Variants in R3HDM1 observed in about 807,000 individuals in gnomAD.
R3HDM1 encodes R3H domain-containing protein 1.
In R3HDM1, 46 loss-of-function variants were observed where a neutral mutation model predicts 141.1. The ratio of observed to expected loss-of-function variants is 0.33; its 90% CI spans 0.26 to 0.42. R3HDM1 has a LOEUF of 0.42. Ranked by LOEUF, R3HDM1 falls within the 10% of genes least tolerant of loss-of-function variation. R3HDM1 has a pLI of 1.00. For synonymous variants in R3HDM1, 435 were observed against 472.9 expected, an observed-to-expected ratio of 0.92 and a Z score of 1.04; for missense variants, 1,184 against 1,368.3, an observed-to-expected ratio of 0.87 and a Z score of 2.12.
intron 19 of R3HDM1, chr2:135,669,417 T>G (rs2067994938): frequency 2.0e-6 from 2 of 984,194 alleles, no homozygotes; most frequent in Non-Finnish European, 2.4e-6. Flanking sequence ...AACGAAAAGT[T>G]TCCTTGTTGA....
intron 1 of R3HDM1, among the ~76,000 whole-genome samples, chr2:135,562,015 G>A (rs543674933): frequency 2.6e-5 from 4 of 152,186 alleles, no homozygotes; most frequent in Non-Finnish European, 5.9e-5. Flanking sequence ...AGTTAGTCTA[G>A]AGGAATGGTC....
At chr2:135,598,168 C>T (rs1161995648) in intron 1 of R3HDM1, among the ~76,000 whole-genome samples, 2 of 152,242 alleles carry the variant, frequency 1.3e-5, no homozygotes, top group East Asian at 1.9e-4. Flanking sequence ...CTACTGCCTT[C>T]TCATTGTTCC....
At chr2:135,722,332 A>G (rs1054604335) in intron 25 of R3HDM1, 137 bp from the exon 26 acceptor site, 1 of 843,450 alleles carries the variant, frequency 1.2e-6, no homozygotes, top group Non-Finnish European at 1.8e-6. Flanking sequence ...GGCAGAATCC[A>G]GAAGGCCTGG....
At chr2:135,632,287 T>G (rs1452123770) in intron 9 of R3HDM1, among the ~76,000 whole-genome samples, 1 of 150,310 alleles carries the variant, frequency 6.7e-6, no homozygotes, top group Non-Finnish European at 1.5e-5. Context: ...TAGGGATTTT[T>G]AAAATTAATT....
intron 1 of R3HDM1, among the ~76,000 whole-genome samples, chr2:135,558,609 T>A (rs1021232767): frequency 6.6e-6 from 1 of 152,226 alleles, no homozygotes; most frequent in South Asian, 2.1e-4. Flanking sequence ...TACCTTAGAA[T>A]GGGAGCTAAA....
At chr2:135,642,340 C>T (rs2063892880) in intron 15 of R3HDM1, among the ~76,000 whole-genome samples, 1 of 151,954 alleles carries the variant, frequency 6.6e-6, no homozygotes, top group East Asian at 1.9e-4. Context: ...AATACATATT[C>T]TTTGCAATTA....
intron 1 of R3HDM1, among the ~76,000 whole-genome samples, chr2:135,545,952 A>G (rs532549259): frequency 1.3e-5 from 2 of 152,206 alleles, no homozygotes; most frequent in Non-Finnish European, 2.9e-5. Context: ...ATCCAGGGGC[A>G]ATCACCTGGG....
rs192983902 is a variant in R3HDM1 at position 135,587,533 on chromosome 2, T to A, written c.-249-14967T>A. Among the ~76,000 whole-genome samples the A allele has an allele frequency of 3.9e-5, 6 of 152,318 alleles. No individual in the cohort carries two copies. The East Asian group carries it at 9.6e-4, about 24-fold the overall frequency. On this transcript the variant is annotated intron_variant, in intron 1 of 26. Transcript: ENST00000683871. ...CCAACTGTGTAAGTAATTAGGGTCATGAAAATATTAATAGCTATTATTAAA... is the reference window on the plus strand; with the variant it reads ...CCAACTGTGTAAGTAATTAGGGTCAAGAAAATATTAATAGCTATTATTAAA...
rs778425135 is a variant in R3HDM1, at chr2:135,638,734, A to G, written c.942-5A>G. On this transcript the variant is annotated splice_region_variant and splice_polypyrimidine_tract_variant and intron_variant, in intron 12 of 26. Coordinates refer to ENST00000683871, the MANE Select transcript of R3HDM1 (RefSeq NM_001378107.1). ...AATTAAAATGTCCTATTAAAATGCC[A>G]ACAGACTCCAAGACGAGGATGCCAG... 19 of 1,613,934 alleles carry G rather than the reference A, an allele frequency of 1.2e-5. No homozygotes were observed. Among genetic ancestry groups the G allele is most frequent in the Non-Finnish European group, 2.5e-6 (3 of 1,179,986 alleles).
chr2:135,567,902 G>GCTTT lies in R3HDM1; in HGVS notation c.-249-34597_-249-34594dup, dbSNP rs1559137836. On this transcript the variant is annotated intron_variant, in intron 1 of 26. Coordinates refer to ENST00000683871, the MANE Select transcript of R3HDM1 (RefSeq NM_001378107.1). ...CTGCAGGCGTGCATCACCACACCTG[G>GCTTT]CTTTTTTTTTTTTTTTTTTTTTTTT... Among the ~76,000 whole-genome samples the GCTTT allele has an allele frequency of 3.4e-4, 43 of 127,752 alleles. 1 individual carries two copies. Among genetic ancestry groups the GCTTT allele is most frequent in the South Asian group, 4.7e-4 (2 of 4,226 alleles). 83.8% of individuals were successfully genotyped at this position (127,752 alleles called of 152,430 possible).
chr2:135,539,158 T>G (rs1696900298), intron 1 of R3HDM1, among the ~76,000 whole-genome samples: 1 of 152,190 alleles, frequency 6.6e-6, no homozygotes, highest in Non-Finnish European at 1.5e-5. Flanking sequence ...CCTGAGCTGT[T>G]TGACAGTTAA....
chr2:135,682,767 C>T (rs560058226), intron 21 of R3HDM1, among the ~76,000 whole-genome samples: 16 of 152,150 alleles, frequency 1.1e-4, no homozygotes, highest in South Asian at 8.3e-4. Flanking sequence ...GAAGCTGAGG[C>T]GGGTGGATCA....
intron 19 of R3HDM1, among the ~76,000 whole-genome samples, chr2:135,664,043 A>AC (rs1188182877): frequency 2.0e-5 from 3 of 151,894 alleles, no homozygotes; most frequent in Non-Finnish European, 4.4e-5. Context: ...AAAAAAAAAA[A>AC]AAAAAACTTA....
chr2:135,664,031 CAAA>C (rs11382173), intron 19 of R3HDM1, among the ~76,000 whole-genome samples: 1 of 103,802 alleles, frequency 9.6e-6, no homozygotes. Context: ...GAGACTGTCT[CAAA>C]AAAAAAAAAA....
At position 135,703,474 on chromosome 2, in the gene R3HDM1, C is replaced by T. The variant is rs556438276; in HGVS notation, c.2460-5959C>T. On this transcript the variant is annotated intron_variant, in intron 21 of 26. Transcript: ENST00000683871. ...TGGCCTAACTGCTTGCTTTCCTTAT[C>T]ATCCTGGCAGTTATATAATCCCTGG... Among the ~76,000 whole-genome samples, 34 of 152,188 alleles carry T rather than the reference C, an allele frequency of 2.2e-4. 1 individual carries two copies. Among genetic ancestry groups the T allele is most frequent in the Admixed American group, 4.6e-4 (7 of 15,276 alleles).
chr2:135,696,252 A>G (rs1157391172), intron 21 of R3HDM1, among the ~76,000 whole-genome samples: 1 of 152,202 alleles, frequency 6.6e-6, no homozygotes. Context: ...ACATTATTCC[A>G]TTGATATTAT....
chr2:135,702,802 C>T (rs2074412168), intron 21 of R3HDM1, among the ~76,000 whole-genome samples: 1 of 151,890 alleles, frequency 6.6e-6, no homozygotes, highest in African/African-American at 2.4e-5. Flanking sequence ...GAGCAGGACT[C>T]CTGACTCAAA....
chr2:135,709,105 G>A (rs113853654), intron 21 of R3HDM1, among the ~76,000 whole-genome samples: 11 of 151,452 alleles, frequency 7.3e-5, no homozygotes, highest in African/African-American at 2.4e-4. Context: ...AATTAGTCTC[G>A]CTCTGTCGCA....
intron 24 of R3HDM1, among the ~76,000 whole-genome samples, chr2:135,719,248 G>A (rs992206236): frequency 2.0e-5 from 3 of 152,078 alleles, no homozygotes; most frequent in African/African-American, 2.4e-5. Context: ...TATGAATGCC[G>A]CAGGAGGAAC....
Sources: gnomAD v4.1 joint callset for allele counts (sites outside exome capture counted in the v4.1 genomes callset) on GRCh38, gnomAD v4.1.1 for gene constraint, MANE v1.5 for transcripts, NCBI Gene and HGNC (gene_info 2026-07-23, HGNC 2026-07-21) for gene names.